ADAMTSL2: variants seen among roughly 807,000 people sequenced by gnomAD.
The protein encoded by ADAMTSL2 is ADAMTS-like protein 2.
A neutral mutation model predicts 117.0 loss-of-function variants in ADAMTSL2; 55 were observed. The ratio of observed to expected loss-of-function variants is 0.47; its 90% CI spans 0.38 to 0.59. The LOEUF (loss-of-function observed/expected upper bound fraction) is 0.59, where lower values mean the gene tolerates loss of function less well. Among genes scored for constraint, ADAMTSL2 ranks in the 20% least tolerant of loss-of-function variants. ADAMTSL2 has a pLI of 0.00. For synonymous variants in ADAMTSL2, 572 were observed against 566.4 expected, an observed-to-expected ratio of 1.01 and a Z score of -0.14; for missense variants, 1,182 against 1,354.5, an observed-to-expected ratio of 0.87 and a Z score of 2.00.
chr9:133,538,329 AGCCTGCATCTTTCT>A lies in ADAMTSL2; in HGVS notation c.234-16_234-3del. ...AAACTCCTCTGCAGCCCTCACTCCG[AGCCTGCATCTTTCT>A]GCCAGGAGGAAGTCCGTCCCGGGCC... On this transcript the variant is annotated splice_polypyrimidine_tract_variant and splice_region_variant and intron_variant, in intron 3 of 18. Coordinates refer to ENST00000651351, the MANE Select transcript of ADAMTSL2 (RefSeq NM_014694.4). 2 of 1,613,174 alleles carry A rather than the reference AGCCTGCATCTTTCT, an allele frequency of 1.2e-6. No homozygotes were observed. Among genetic ancestry groups the A allele is most frequent in the Non-Finnish European group, 1.7e-6 (2 of 1,179,850 alleles).
chr9:133,560,886 A>G (rs2131152903), intron 11 of ADAMTSL2, among the ~76,000 whole-genome samples: 1 of 152,294 alleles, frequency 6.6e-6, no homozygotes, highest in South Asian at 2.1e-4. Context: ...GGGAGCAACT[A>G]CAGTGCTGGG....
chr9:133,539,486 G>T (rs992628255), intron 4 of ADAMTSL2, among the ~76,000 whole-genome samples: 1 of 152,178 alleles, frequency 6.6e-6, no homozygotes, highest in Non-Finnish European at 1.5e-5. Flanking sequence ...CCCCTCCACC[G>T]CAAGGCTGGG....
intron 17 of ADAMTSL2, among the ~76,000 whole-genome samples, chr9:133,571,296 T>C (rs1412935333): frequency 6.6e-6 from 1 of 152,082 alleles, no homozygotes; most frequent in African/African-American, 2.4e-5. Flanking sequence ...TAGCAGACAT[T>C]GGAGGCCAGG....
Position 133,540,874 on chromosome 9 carries a change from G to A in ADAMTSL2, c.559-4G>A. On this transcript the variant is annotated splice_polypyrimidine_tract_variant and splice_region_variant and intron_variant, in intron 6 of 18. Transcript: ENST00000651351. Reference sequence around the variant, plus strand: ...AGCAGCCCTCTCCCTCTCCCTTCCTGCAGCCCATCGGCTGTGACGGGGTGC... The same window carrying A: ...AGCAGCCCTCTCCCTCTCCCTTCCTACAGCCCATCGGCTGTGACGGGGTGC... 6.2e-7 allele frequency: 1 copy of A among 1,613,378 alleles called. No individual in the cohort carries two copies. The highest frequency in any genetic ancestry group is 8.5e-7 in the Non-Finnish European group (1 of 1,180,002).
intron 2 of ADAMTSL2, 116 bp downstream of exon 2, chr9:133,536,918 A>G: frequency 2.6e-6 from 4 of 1,514,202 alleles, no homozygotes; most frequent in Non-Finnish European, 3.6e-6. Flanking sequence ...CAGGTCCCAG[A>G]ACCCATCTTG....
intron 12 of ADAMTSL2, 102 bp downstream of exon 12, chr9:133,561,397 C>T: frequency 9.1e-7 from 1 of 1,103,522 alleles, no homozygotes; most frequent in South Asian, 1.3e-5. Context: ...AGCCCCCAAA[C>T]TGCCCTCGGG....
chr9:133,541,110 C>T, intron 7 of ADAMTSL2, 109 bp downstream of exon 7: 1 of 1,472,732 alleles, frequency 6.8e-7, no homozygotes, highest in Non-Finnish European at 9.2e-7. Context: ...AAGTTCTTCC[C>T]CTCTAGGGGC....
rs1588315176 is a variant in ADAMTSL2, at chr9:133,575,056, C to A, written c.*192C>A. On this transcript the variant is annotated 3_prime_UTR_variant, in exon 19 of 19. Coordinates refer to ENST00000651351, the MANE Select transcript of ADAMTSL2 (RefSeq NM_014694.4). ...TGTGCTCCTGGGGCAGAGCCTCCGG[C>A]ACCCAGTGGCCTCCCCCAGACAGAG... The A allele has an allele frequency of 1.7e-6, 1 of 601,972 alleles. No individual in the cohort carries two copies. Among genetic ancestry groups the A allele is most frequent in the East Asian group, 2.8e-5 (1 of 36,144 alleles). The allele number at this position is 601,972 out of a possible 1,614,324, so 37.3% of individuals were successfully genotyped here.
chr9:133,553,100 A>G (rs1830524159), intron 9 of ADAMTSL2, among the ~76,000 whole-genome samples: 1 of 152,280 alleles, frequency 6.6e-6, no homozygotes, highest in Non-Finnish European at 1.5e-5. Flanking sequence ...GTGGCCGTGA[A>G]GGCAGAGGTC....
Position 133,557,692 on chromosome 9 carries a change from G to A in ADAMTSL2, c.1649+1762G>A, listed in dbSNP as rs1830633789. 6.6e-6 allele frequency among the ~76,000 whole-genome samples: 1 copy of A among 152,196 alleles called. No homozygotes were observed. The highest frequency in any genetic ancestry group is 2.4e-5 in the African/African-American group (1 of 41,454). On this transcript the variant is annotated intron_variant, in intron 11 of 18. Transcript: ENST00000651351. This position sits in a 1 kb window ranked among gnomAD's most constrained non-coding sequence, Gnocchi z 5.2. Reference sequence around the variant, plus strand: ...TCCGGGGCATTCCCTGGTATTCCGTGTGTGAGGCCCACGGTAAGGCCTCCA... The same window carrying A: ...TCCGGGGCATTCCCTGGTATTCCGTATGTGAGGCCCACGGTAAGGCCTCCA...
intron 7 of ADAMTSL2, 58 bp from the exon 8 acceptor site, chr9:133,544,412 G>T: frequency 7.0e-7 from 1 of 1,431,316 alleles, no homozygotes; most frequent in East Asian, 2.3e-5. Flanking sequence ...GTGGGCGAGT[G>T]CCACCCAAGG....
intron 9 of ADAMTSL2, among the ~76,000 whole-genome samples, chr9:133,552,964 G>T (rs1830520834): frequency 6.6e-6 from 1 of 152,220 alleles, no homozygotes; most frequent in Admixed American, 6.5e-5. Context: ...GGCTGGTCCT[G>T]CCGTTCCATT....
chr9:133,558,237 A>G lies in ADAMTSL2; in HGVS notation c.1649+2307A>G, dbSNP rs930921035. Among the ~76,000 whole-genome samples the G allele has an allele frequency of 2.5e-4, 38 of 152,312 alleles. No homozygotes were observed. The highest frequency in any genetic ancestry group is 8.9e-4 in the African/African-American group (37 of 41,578). On this transcript the variant is annotated intron_variant, in intron 11 of 18. Transcript: ENST00000651351. The surrounding 1 kb of genome is among the most constrained non-coding windows in gnomAD (Gnocchi z 4.3). ...CCGCTGCTCCCCCGGCCGGCCTGCC[A>G]TCAAAGGATGCTGCCGCACAGGGAC...
upstream of ADAMTSL2, chr9:133,534,584 G>A: frequency 4.4e-6 from 5 of 1,144,228 alleles, no homozygotes; most frequent in Non-Finnish European, 5.6e-6. Flanking sequence ...GAGGCGCAGA[G>A]CGGGTTAAAG....
chr9:133,537,125 T>G (rs1473651905), intron 2 of ADAMTSL2, among the ~76,000 whole-genome samples: 1 of 151,982 alleles, frequency 6.6e-6, no homozygotes, highest in Non-Finnish European at 1.5e-5. Context: ...CCGGGGAAAG[T>G]GAGGACAGTT....
Position 133,555,590 on chromosome 9 carries a change from G to C in ADAMTSL2, c.1309G>C (p.Asp437His). The C allele has an allele frequency of 6.2e-7, 1 of 1,613,202 alleles. No homozygotes were observed. The change falls in exon 11 of 19, where the codon GAC becomes CAC. Residue 437 changes from aspartate (D) to histidine (H), a missense_variant. Transcript: ENST00000651351. ...RNVTGTPLTG[D>H]KDDEEVDTHF... ...CGTCACGGGGACTCCTCTCACCGGG[G>C]ACAAGGATGACGAAGAGGTTGACAC...
At chr9:133,555,413 T>C (rs981057937) in intron 10 of ADAMTSL2, 145 bp from the exon 11 acceptor site, 8 of 1,009,752 alleles carry the variant, frequency 7.9e-6, no homozygotes, top group Middle Eastern at 2.9e-4. Context: ...AATTACGTCC[T>C]CTAGTTAGGC....
At chr9:133,546,309 G>T (rs1830346418) in intron 8 of ADAMTSL2, among the ~76,000 whole-genome samples, 1 of 152,042 alleles carries the variant, frequency 6.6e-6, no homozygotes, top group Non-Finnish European at 1.5e-5. Flanking sequence ...GCTGGAGTTA[G>T]GCCCTGGGAG....
intron 11 of ADAMTSL2, among the ~76,000 whole-genome samples, chr9:133,560,865 G>A (rs1396513254): frequency 1.3e-5 from 2 of 152,222 alleles, no homozygotes; most frequent in Non-Finnish European, 2.9e-5. Flanking sequence ...TGAGAAGCCT[G>A]CGTGTGTGCA....
Sources: allele counts gnomAD v4.1 joint callset (sites outside exome capture counted in the v4.1 genomes callset), GRCh38; gene constraint gnomAD v4.1.1; non-coding constraint Gnocchi (gnomAD v3.1); transcripts MANE v1.5; gene names NCBI Gene and HGNC (gene_info 2026-07-23, HGNC 2026-07-21).